The following ALK variants were observed in gnomAD, a reference collection of about 807,000 sequenced individuals.
The protein encoded by ALK is ALK tyrosine kinase receptor.
A neutral mutation model predicts 163.1 loss-of-function variants in ALK; 74 were observed. The ratio of observed to expected loss-of-function variants is 0.45; its 90% CI spans 0.38 to 0.55. The LOEUF (loss-of-function observed/expected upper bound fraction) is 0.55. Among genes scored for constraint, ALK ranks in the 20% least tolerant of loss-of-function variants. ALK has a pLI of 0.00. For synonymous variants in ALK, 960 were observed against 843.2 expected (o/e 1.14, Z -2.40); for missense variants, 2,063 against 2,105.3 (o/e 0.98, Z 0.39).
At chr2:29,236,750 G>T (rs965811226) in intron 13 of ALK, among the ~76,000 whole-genome samples, 3 of 152,024 alleles carry the variant, frequency 2.0e-5, no homozygotes, top group Non-Finnish European at 4.4e-5. Context: ...TTCTTTTCCT[G>T]ACCTCTAAAT....
At chr2:29,379,081 C>A (rs918670695) in intron 5 of ALK, among the ~76,000 whole-genome samples, 2 of 152,154 alleles carry the variant, frequency 1.3e-5, no homozygotes, top group African/African-American at 4.8e-5. Context: ...TTGCTGTAGG[C>A]ACCTCTGAAC....
intron 4 of ALK, among the ~76,000 whole-genome samples, chr2:29,490,916 C>T (rs984629332): frequency 3.3e-5 from 5 of 152,222 alleles, no homozygotes; most frequent in South Asian, 4.2e-4. Flanking sequence ...CTATTACTGA[C>T]AAAATCACAC....
chr2:29,820,186 C>T (rs957561018), intron 1 of ALK, among the ~76,000 whole-genome samples: 1 of 152,172 alleles, frequency 6.6e-6, no homozygotes, highest in Non-Finnish European at 1.5e-5. Flanking sequence ...TTGCAGCTTC[C>T]TCCTTGTCCT....
At chr2:29,548,287 C>G (rs1443755565) in intron 3 of ALK, among the ~76,000 whole-genome samples, 1 of 152,126 alleles carries the variant, frequency 6.6e-6, no homozygotes, top group Non-Finnish European at 1.5e-5. Flanking sequence ...TCCTGGCTAA[C>G]ACGGTGAAAC....
intron 4 of ALK, among the ~76,000 whole-genome samples, chr2:29,445,826 G>A (rs1034676957): frequency 4.6e-5 from 7 of 150,872 alleles, no homozygotes; most frequent in Admixed American, 4.0e-4. Context: ...CTGGCCGGGC[G>A]CGGTGGCTCA....
chr2:29,478,965 A>G (rs1219126325), intron 4 of ALK, among the ~76,000 whole-genome samples: 1 of 151,952 alleles, frequency 6.6e-6, no homozygotes, highest in Non-Finnish European at 1.5e-5. Context: ...CCTGCAAAGA[A>G]TAGGACCCTA....
intron 4 of ALK, among the ~76,000 whole-genome samples, chr2:29,384,488 G>A (rs1169956119): frequency 1.3e-5 from 2 of 152,076 alleles, no homozygotes; most frequent in South Asian, 2.1e-4. Flanking sequence ...TGGCGAGCTC[G>A]GCACCCACCT....
chr2:29,684,481 T>C lies in ALK; in HGVS notation c.952+10369A>G, dbSNP rs767085062. Among the ~76,000 whole-genome samples, 134 of 152,194 alleles carry C rather than the reference T, an allele frequency of 8.8e-4. 1 individual carries two copies. Among genetic ancestry groups the C allele is most frequent in the Non-Finnish European group, 2.1e-4 (14 of 68,034 alleles). ...CAGTAATCGATTCCACTTCCTCACA[T>C]GGATTGCATCTCTGTGTGGCCGGGA... is the stretch of plus-strand genomic sequence containing the variant. On this transcript the variant is annotated intron_variant, in intron 3 of 28. Coordinates refer to ENST00000389048, the MANE Select transcript of ALK (RefSeq NM_004304.5).
At chr2:29,573,726 C>A (rs60669942) in intron 3 of ALK, among the ~76,000 whole-genome samples, 3,992 of 152,284 alleles carry the variant, frequency 0.026, 59 homozygotes, top group Middle Eastern at 0.071. Context: ...TTTACAAAAA[C>A]AGCCAACTCC....
intron 4 of ALK, among the ~76,000 whole-genome samples, chr2:29,519,026 T>G (rs1183533706): frequency 6.6e-6 from 1 of 152,262 alleles, no homozygotes; most frequent in Non-Finnish European, 1.5e-5. Flanking sequence ...AAAGCATTAT[T>G]TTCACAAAGA....
intron 5 of ALK, among the ~76,000 whole-genome samples, chr2:29,349,146 A>G (rs1668038256): frequency 6.6e-6 from 1 of 152,140 alleles, no homozygotes; most frequent in African/African-American, 2.4e-5. Flanking sequence ...CTCCAGCTGA[A>G]AGGGGTTGCA....
intron 3 of ALK, among the ~76,000 whole-genome samples, chr2:29,563,809 G>T (rs1232174477): frequency 6.6e-6 from 1 of 152,110 alleles, no homozygotes; most frequent in African/African-American, 2.4e-5. Context: ...CCTAAAACTA[G>T]CCCTCAAAGA....
Position 29,344,534 on chromosome 2 carries a change from C to T in ALK, c.1283-16053G>A, listed in dbSNP as rs76826494. 2.8e-3 allele frequency among the ~76,000 whole-genome samples: 434 copies of T among 152,286 alleles called. 2 individuals carry two copies. Among genetic ancestry groups the T allele is most frequent in the African/African-American group, 9.8e-3 (409 of 41,568 alleles). On this transcript the variant is annotated intron_variant, in intron 5 of 28. Transcript: ENST00000389048. ...ATAGTCCCAGTTGAGCTCAGCCCTC[C>T]TGCCATCATTTTCAAGGCAGCAGAC...
intron 3 of ALK, among the ~76,000 whole-genome samples, chr2:29,548,238 C>G (rs1673609967): frequency 6.6e-6 from 1 of 152,132 alleles, no homozygotes; most frequent in African/African-American, 2.4e-5. Context: ...CTTTGGGAGG[C>G]CAAGGCAGAC....
Position 29,462,183 on chromosome 2 carries a change from G to A in ALK, c.1154+69732C>T, listed in dbSNP as rs75383736. Among the ~76,000 whole-genome samples the A allele has an allele frequency of 6.7e-3, 1,025 of 152,226 alleles. 18 individuals carry two copies. Among genetic ancestry groups the A allele is most frequent in the East Asian group, 0.03 (157 of 5,178 alleles). ...ACAAAGAAAGTAGTATCTTGAAATC[G>A]AATCTATTCTTGGTGAAGATATTGT... is the stretch of plus-strand genomic sequence containing the variant. On this transcript the variant is annotated intron_variant, in intron 4 of 28. Coordinates refer to ENST00000389048, the MANE Select transcript of ALK (RefSeq NM_004304.5).
chr2:29,457,492 C>T (rs1670984522), intron 4 of ALK, among the ~76,000 whole-genome samples: 1 of 152,098 alleles, frequency 6.6e-6, no homozygotes, highest in Non-Finnish European at 1.5e-5. Flanking sequence ...GGACAGGTTT[C>T]CATCTGCAGG....
rs2148138923 is a variant in ALK, at chr2:29,193,842, G to C, written c.4245C>G (p.Pro1415=). The change falls in exon 29 of 29, where the codon CCC becomes CCG. Residue 1415 remains proline (P), a synonymous_variant. Transcript: ENST00000389048. ...VEEEEKVPVR[P]KDPEGVPPLL... is the part of the protein sequence containing the mutation. Reference sequence around the variant, plus strand: ...GAGGAGGAACCCCCTCAGGGTCCTTGGGCCTCACAGGCACTTTCTCTTCCT... The same window carrying C: ...GAGGAGGAACCCCCTCAGGGTCCTTCGGCCTCACAGGCACTTTCTCTTCCT... The C allele has an allele frequency of 6.2e-7, 1 of 1,612,746 alleles. No homozygotes were observed. The highest frequency in any genetic ancestry group is 8.5e-7 in the Non-Finnish European group (1 of 1,179,434).
Position 29,220,744 on chromosome 2 carries a change from C to CT in ALK, c.3606dup (p.Asp1203ArgfsTer82), listed in dbSNP as rs1558621772. On this transcript the variant is annotated frameshift_variant, in exon 23 of 29. Coordinates refer to ENST00000389048, the MANE Select transcript of ALK (RefSeq NM_004304.5). LOFTEE classifies it high-confidence loss of function. Reference sequence around the variant, plus strand: ...GTCTCTCGGAGGAAGGACTTGAGGTCTCCCCCCGCCATGAGCTCCAGCAGG... The same window carrying CT: ...GTCTCTCGGAGGAAGGACTTGAGGTCTTCCCCCCGCCATGAGCTCCAGCAGG... The CT allele has an allele frequency of 1.2e-6, 2 of 1,613,762 alleles. No homozygotes were observed. The highest frequency in any genetic ancestry group is 1.7e-6 in the Non-Finnish European group (2 of 1,179,784).
intron 27 of ALK, 131 bp downstream of exon 27, chr2:29,197,411 C>T (rs1669049352): frequency 7.3e-7 from 1 of 1,376,486 alleles, no homozygotes; most frequent in African/African-American, 1.4e-5. Context: ...GTCACATTCG[C>T]ATCTTGGGGC....
Sources: gnomAD v4.1 joint callset for allele counts (sites outside exome capture counted in the v4.1 genomes callset) on GRCh38, gnomAD v4.1.1 for gene constraint, MANE v1.5 for transcripts, NCBI Gene and HGNC (gene_info 2026-07-23, HGNC 2026-07-21) for gene names.